SLC35D2: variants seen among roughly 807,000 people sequenced by gnomAD.
The protein encoded by SLC35D2 is nucleotide sugar transporter SLC35D2.
Under a neutral mutation model 41.8 loss-of-function variants are expected in SLC35D2, and 43 were observed. The observed-to-expected ratio is 1.03, with a 90% CI of 0.81 to 1.33. The LOEUF (loss-of-function observed/expected upper bound fraction) is 1.33, where lower values mean the gene tolerates loss of function less well. Among genes scored for constraint, SLC35D2 ranks in the 40% most tolerant of loss-of-function variants. The probability of loss-of-function intolerance (pLI) is 0.00; values close to 1 mark genes in which losing one functional copy is unlikely to be tolerated. For synonymous variants in SLC35D2, 150 were observed against 163.9 expected (o/e 0.92, Z 0.65); for missense variants, 380 against 408.4 (o/e 0.93, Z 0.60).
intron 9 of SLC35D2, 90 bp downstream of exon 9, chr9:96,336,627 A>C: frequency 1.2e-6 from 1 of 813,716 alleles, no homozygotes. Flanking sequence ...ACACAAAGGA[A>C]TTCTGACAGA....
intron 6 of SLC35D2, among the ~76,000 whole-genome samples, chr9:96,346,027 A>G (rs1025965912): frequency 2.0e-5 from 3 of 152,226 alleles, no homozygotes; most frequent in Non-Finnish European, 4.4e-5. Context: ...GAGGAAGAGC[A>G]ATAGCTGAGC....
chr9:96,321,110 G>T lies in SLC35D2; in HGVS notation c.*132C>A. 1.5e-6 allele frequency: 1 copy of T among 651,134 alleles called. No individual in the cohort carries two copies. The highest frequency in any genetic ancestry group is 2.7e-5 in the Admixed American group (1 of 36,996). 40.3% of individuals were successfully genotyped at this position (651,134 alleles called of 1,614,324 possible). On this transcript the variant is annotated 3_prime_UTR_variant, in exon 12 of 12. Transcript: ENST00000253270. The stretch of plus-strand genomic sequence containing the variant: ...TCCTGCATATGAGGTAGTTCTCTTT[G>T]CATTTTGCAGATGCTCTCACTTGCC...
Position 96,350,374 on chromosome 9 carries a change from T to C in SLC35D2, c.488+729A>G, listed in dbSNP as rs553402840. On this transcript the variant is annotated intron_variant, in intron 6 of 11. Coordinates refer to ENST00000253270, the MANE Select transcript of SLC35D2 (RefSeq NM_007001.3). ...TTTTTTTTTTTTTTTTTTTTTTTTT[T>C]GTAGAAATAGGTTCTCACAATGTTT... is the stretch of plus-strand genomic sequence containing the variant. Among the ~76,000 whole-genome samples the C allele has an allele frequency of 2.4e-3, 346 of 145,726 alleles. 5 individuals are homozygous for C. Among genetic ancestry groups the C allele is most frequent in the African/African-American group, 8.3e-3 (323 of 38,708 alleles).
At chr9:96,335,553 T>C (rs1829009838) in intron 9 of SLC35D2, among the ~76,000 whole-genome samples, 1 of 151,998 alleles carries the variant, frequency 6.6e-6, no homozygotes, top group Non-Finnish European at 1.5e-5. Flanking sequence ...AGAGATGGGG[T>C]TATGCCATGT....
intron 3 of SLC35D2, among the ~76,000 whole-genome samples, chr9:96,364,177 C>CA (rs536458245): frequency 1.3e-5 from 2 of 151,604 alleles, no homozygotes; most frequent in South Asian, 4.2e-4. Flanking sequence ...CAAAACAAAA[C>CA]AAAAAAAATT....
At chr9:96,325,348 G>A (rs747791445) in intron 9 of SLC35D2, among the ~76,000 whole-genome samples, 5 of 152,166 alleles carry the variant, frequency 3.3e-5, no homozygotes, top group Non-Finnish European at 7.3e-5. Flanking sequence ...AAACATGGAT[G>A]GTACAAGGAG....
intron 8 of SLC35D2, among the ~76,000 whole-genome samples, chr9:96,341,630 CTATTAT>C (rs1296164477): frequency 3.9e-5 from 6 of 152,146 alleles, no homozygotes; most frequent in African/African-American, 7.2e-5. Context: ...CAAGTATTAG[CTATTAT>C]TATTATCACA....
Position 96,360,200 on chromosome 9 carries a change from A to C in SLC35D2, c.301T>G (p.Tyr101Asp), listed in dbSNP as rs756304198. 1.9e-6 allele frequency: 3 copies of C among 1,612,226 alleles called. No homozygotes were observed. In the African/African-American group the frequency reaches 4.0e-5, roughly 22 times the overall value. Reference sequence around the variant, plus strand: ...AATCCACTTATGTGGTTTCCAACGTAGAGGAGAGGCAGAGGAAACAGCTTC... The same window carrying C: ...AATCCACTTATGTGGTTTCCAACGTCGAGGAGAGGCAGAGGAAACAGCTTC... ...PVKLFPLPLL[Y>D]VGNHISGLSS... The change falls in exon 4 of 12, where the codon TAC becomes GAC. Residue 101 changes from tyrosine (Y) to aspartate (D), a missense_variant. Physicochemically the swap from Tyr to Asp is radical, Grantham distance 160 (BLOSUM62 -3). Coordinates refer to ENST00000253270, the MANE Select transcript of SLC35D2 (RefSeq NM_007001.3).
downstream of SLC35D2, among the ~76,000 whole-genome samples, chr9:96,319,276 T>C (rs905995274): frequency 6.6e-6 from 1 of 152,154 alleles, no homozygotes; most frequent in African/African-American, 2.4e-5. Flanking sequence ...ATTCTACTTA[T>C]ATAAGGTATC....
intron 5 of SLC35D2, 52 bp downstream of exon 5, chr9:96,351,986 A>AT: frequency 8.4e-7 from 1 of 1,194,382 alleles, no homozygotes; most frequent in East Asian, 2.4e-5. Context: ...TGGGTAAAAG[A>AT]AATGCAGTGG....
At chr9:96,324,268 C>G (rs7038558) in intron 9 of SLC35D2, 99 bp from the exon 10 acceptor site, 3 of 880,700 alleles carry the variant, frequency 3.4e-6, no homozygotes, top group Non-Finnish European at 5.3e-6. Flanking sequence ...GCACTTTAAG[C>G]GAAGAAAAAA....
rs1554715405 is a variant in SLC35D2 at position 96,358,080 on chromosome 9, T to TA, written c.347+2073_347+2074insT. On this transcript the variant is annotated intron_variant, in intron 4 of 11. Coordinates refer to ENST00000253270, the MANE Select transcript of SLC35D2 (RefSeq NM_007001.3). ...ATGGATAAACAAAATATTATATATT[T>TA]TATATATATATATATATATATATAT... is the stretch of plus-strand genomic sequence containing the variant. Among the ~76,000 whole-genome samples, 175 of 122,672 alleles carry TA rather than the reference T, an allele frequency of 1.4e-3. 4 individuals carry two copies. The highest frequency in any genetic ancestry group is 3.4e-3 in the South Asian group (14 of 4,144). 80.5% of individuals were successfully genotyped at this position (122,672 alleles called of 152,430 possible).
downstream of SLC35D2, among the ~76,000 whole-genome samples, chr9:96,317,086 C>T (rs4345688): frequency 0.53 from 80,585 of 150,852 alleles, 21,691 homozygotes; most frequent in African/African-American, 0.6. Flanking sequence ...TGTAGTGAGC[C>T]GAGATCGCGC....
At chr9:96,369,836 C>T (rs1322745649) in intron 1 of SLC35D2, among the ~76,000 whole-genome samples, 4 of 152,166 alleles carry the variant, frequency 2.6e-5, no homozygotes, top group Admixed American at 1.3e-4. Context: ...GAATACCCCA[C>T]AAAACTCAGC....
chr9:96,383,083 A>C (rs567051630), intron 1 of SLC35D2, among the ~76,000 whole-genome samples: 3 of 152,316 alleles, frequency 2.0e-5, no homozygotes, highest in South Asian at 2.1e-4. Context: ...ATGAACAGTC[A>C]ATCAATACAG....
At chr9:96,345,183 A>C in intron 7 of SLC35D2, 116 bp downstream of exon 7, 1 of 581,156 alleles carries the variant, frequency 1.7e-6, no homozygotes, top group East Asian at 3.2e-5. Flanking sequence ...TAAGGAATTT[A>C]CAGGTCATAT....
At chr9:96,368,415 CA>C in intron 1 of SLC35D2, 110 bp from the exon 2 acceptor site, 1 of 830,662 alleles carries the variant, frequency 1.2e-6, no homozygotes, top group Non-Finnish European at 1.9e-6. Flanking sequence ...GAAAATTTAT[CA>C]AATTGTTCAC....
chr9:96,332,744 A>C (rs998577116), intron 9 of SLC35D2, among the ~76,000 whole-genome samples: 9 of 151,062 alleles, frequency 6.0e-5, no homozygotes, highest in Admixed American at 6.6e-5. Context: ...GCGCCACTGC[A>C]CTCCAGACTG....
chr9:96,350,004 G>A (rs545729739), intron 6 of SLC35D2, among the ~76,000 whole-genome samples: 2 of 152,240 alleles, frequency 1.3e-5, no homozygotes, highest in East Asian at 3.9e-4. Flanking sequence ...AATGGGTGCT[G>A]GCCCTATACC....
Sources: gnomAD v4.1 joint callset for allele counts (sites outside exome capture counted in the v4.1 genomes callset) on GRCh38, gnomAD v4.1.1 for gene constraint, MANE v1.5 for transcripts, NCBI Gene and HGNC (gene_info 2026-07-23, HGNC 2026-07-21) for gene names.